The following NCAM2 variants were observed in gnomAD, a reference collection of about 807,000 sequenced individuals.
NCAM2 encodes the protein neural cell adhesion molecule 2.
A neutral mutation model predicts 98.1 loss-of-function variants in NCAM2; 30 were observed. That is an observed-to-expected ratio of 0.31 (90% confidence interval 0.23 to 0.41). The LOEUF (loss-of-function observed/expected upper bound fraction) is 0.41. Among genes scored for constraint, NCAM2 ranks in the 10% least tolerant of loss-of-function variants. The pLI, the probability that NCAM2 is intolerant of heterozygous loss-of-function variation, is 1.00. For missense variants in NCAM2, 867 were observed against 1,005.8 expected (o/e 0.86, Z 1.87); for synonymous variants, 368 against 342.4 (o/e 1.07, Z -0.83).
chr21:21,092,435 A>T (rs2146452515), intron 1 of NCAM2, among the ~76,000 whole-genome samples: 1 of 152,146 alleles, frequency 6.6e-6, no homozygotes, highest in African/African-American at 2.4e-5. Flanking sequence ...GAATTTACTG[A>T]ATGAATAATA....
chr21:21,252,640 A>G (rs940992441), intron 1 of NCAM2, among the ~76,000 whole-genome samples: 2 of 152,190 alleles, frequency 1.3e-5, no homozygotes, highest in Non-Finnish European at 2.9e-5. Flanking sequence ...AGCTAAACAA[A>G]TGAAGCTATT....
At chr21:21,440,613 A>C (rs905617102) in intron 12 of NCAM2, among the ~76,000 whole-genome samples, 1 of 152,012 alleles carries the variant, frequency 6.6e-6, no homozygotes, top group African/African-American at 2.4e-5. Context: ...CCCAGGAGGC[A>C]GAGGTTGCAG....
At chr21:21,446,010 T>TGTTTCCATTCTCCCTATC (rs1980074846) in intron 12 of NCAM2, among the ~76,000 whole-genome samples, 1 of 152,124 alleles carries the variant, frequency 6.6e-6, no homozygotes, top group African/African-American at 2.4e-5. Context: ...TTCAGGAGCT[T>TGTTTCCATTCTCCCTATC]TTGCAGGGCA....
intron 1 of NCAM2, among the ~76,000 whole-genome samples, chr21:21,260,902 A>G (rs939962898): frequency 6.6e-6 from 1 of 152,136 alleles, no homozygotes; most frequent in African/African-American, 2.4e-5. Context: ...CTTAAAAGAC[A>G]TAGATTGGCA....
intron 9 of NCAM2, among the ~76,000 whole-genome samples, chr21:21,399,054 GT>G (rs1442408698): frequency 6.6e-6 from 1 of 152,176 alleles, no homozygotes; most frequent in African/African-American, 2.4e-5. Flanking sequence ...GGATCAAGAG[GT>G]GACCAAGGGT....
chr21:21,097,608 A>G (rs537385121), intron 1 of NCAM2, among the ~76,000 whole-genome samples: 5 of 151,776 alleles, frequency 3.3e-5, no homozygotes, highest in Admixed American at 6.6e-5. Context: ...ACAAACTTGT[A>G]TACATAACAG....
intron 1 of NCAM2, among the ~76,000 whole-genome samples, chr21:21,273,592 A>G (rs1198205144): frequency 2.0e-5 from 3 of 152,104 alleles, no homozygotes; most frequent in Non-Finnish European, 4.4e-5. Flanking sequence ...ATTATGGTTT[A>G]TTTTAAGAAC....
intron 4 of NCAM2, among the ~76,000 whole-genome samples, chr21:21,286,741 TA>T (rs552957457): frequency 8.8e-4 from 133 of 151,586 alleles, no homozygotes; most frequent in Middle Eastern, 3.4e-3. Context: ...ATCGTTAGCC[TA>T]AAAAAAATAC....
intron 8 of NCAM2, among the ~76,000 whole-genome samples, chr21:21,348,541 T>C (rs1484069791): frequency 2.6e-5 from 4 of 152,084 alleles, no homozygotes; most frequent in African/African-American, 9.7e-5. Context: ...ATCTACAGAT[T>C]CAGTGCAATC....
intron 5 of NCAM2, among the ~76,000 whole-genome samples, chr21:21,293,389 G>T (rs2073364386): frequency 6.6e-6 from 1 of 150,868 alleles, no homozygotes; most frequent in Non-Finnish European, 1.5e-5. Context: ...TAATTCTTCA[G>T]TGTTTCTCAC....
At chr21:21,073,381 G>A (rs555136300) in intron 1 of NCAM2, among the ~76,000 whole-genome samples, 223 of 152,164 alleles carry the variant, frequency 1.5e-3, no homozygotes, top group African/African-American at 5.2e-3. Context: ...AAAAAGAGTT[G>A]CAAATGTAAG....
chr21:21,508,807 CCTTTTTTTTT>C (rs1290664084), intron 15 of NCAM2, 34 bp from the exon 16 acceptor site: 4 of 705,860 alleles, frequency 5.7e-6, no homozygotes, highest in African/African-American at 5.6e-5. Context: ...TACTTTTTTT[CCTTTTTTTTT>C]TTTTTTTTTT....
intron 1 of NCAM2, among the ~76,000 whole-genome samples, chr21:21,025,044 G>C (rs8126804): frequency 6.6e-6 from 1 of 151,926 alleles, no homozygotes; most frequent in Non-Finnish European, 1.5e-5. Context: ...TACACACTAT[G>C]GTCTTTTATT....
chr21:21,008,425 C>CT (rs1488132439), intron 1 of NCAM2, among the ~76,000 whole-genome samples: 1 of 152,100 alleles, frequency 6.6e-6, no homozygotes, highest in Non-Finnish European at 1.5e-5. Context: ...TGACAAAACA[C>CT]TTATAGTCCA....
intron 1 of NCAM2, among the ~76,000 whole-genome samples, chr21:21,271,463 G>C (rs542029788): frequency 1.8e-3 from 269 of 152,250 alleles, no homozygotes; most frequent in South Asian, 0.012. Flanking sequence ...AACTTAAATA[G>C]CACTAAATTA....
chr21:21,393,435 G>T (rs977261687), intron 9 of NCAM2, among the ~76,000 whole-genome samples: 1 of 152,072 alleles, frequency 6.6e-6, no homozygotes, highest in East Asian at 1.9e-4. Flanking sequence ...ATGCTAAAAC[G>T]GTTGTCCTGT....
chr21:21,520,750 T>C (rs943410704), intron 16 of NCAM2, among the ~76,000 whole-genome samples: 3 of 152,210 alleles, frequency 2.0e-5, no homozygotes, highest in African/African-American at 7.2e-5. Context: ...AAATCACAAC[T>C]TATCAGAGCA....
chr21:21,458,902 G>A (rs536301530), intron 12 of NCAM2, among the ~76,000 whole-genome samples: 55 of 152,230 alleles, frequency 3.6e-4, no homozygotes, highest in East Asian at 1.9e-4. Context: ...CCAACAGAGC[G>A]AAAGGGAATG....
chr21:21,530,325 AAATTAAAT>A lies in NCAM2; in HGVS notation c.2283-4211_2283-4204del, dbSNP rs201891012. 2.5e-4 allele frequency among the ~76,000 whole-genome samples: 6 copies of A among 24,214 alleles called. No homozygotes were observed. In the Admixed American group the frequency reaches 3.7e-3, roughly 15 times the overall value. The allele number at this position is 24,214 out of a possible 152,430, so 15.9% of individuals were successfully genotyped here. ...AAATTAAATTATATATAATTAAATT[AAATTAAAT>A]TATACATAATTAAATTAAAATATAA... On this transcript the variant is annotated intron_variant, in intron 16 of 17. Coordinates refer to ENST00000400546, the MANE Select transcript of NCAM2 (RefSeq NM_004540.5).
Sources: gnomAD v4.1 joint callset for allele counts (sites outside exome capture counted in the v4.1 genomes callset) on GRCh38, gnomAD v4.1.1 for gene constraint, MANE v1.5 for transcripts, NCBI Gene and HGNC (gene_info 2026-07-23, HGNC 2026-07-21) for gene names.